The following NFATC4 variants were observed in gnomAD, a reference collection of about 807,000 sequenced individuals.
The protein encoded by NFATC4 is nuclear factor of activated T cells 4, also known as nuclear factor of activated T-cells, cytoplasmic 4.
NFATC4 carries 25 observed loss-of-function variants against 73.4 expected under a neutral mutation model. That is an observed-to-expected ratio of 0.34 (90% CI 0.25 to 0.48). The LOEUF is 0.48. NFATC4 is among the 20% of genes least tolerant of loss of function. NFATC4 has a pLI of 0.99. For synonymous variants in NFATC4, 523 were observed against 510.3 expected (o/e 1.02, Z -0.34); for missense variants, 1,130 against 1,203.7 (o/e 0.94, Z 0.91).
At chr14:24,372,645 C>G in intron 3 of NFATC4, 42 bp downstream of exon 3, 1 of 1,611,022 alleles carries the variant, frequency 6.2e-7, no homozygotes, top group South Asian at 1.1e-5. Flanking sequence ...TCTCCTCTCC[C>G]AGATAGGTTC....
At chr14:24,368,650 G>C (rs1057252323) in intron 1 of NFATC4, among the ~76,000 whole-genome samples, 4 of 149,254 alleles carry the variant, frequency 2.7e-5, no homozygotes, top group African/African-American at 9.8e-5. Flanking sequence ...GTGGGGGTGG[G>C]GGTGCTGTTG....
At position 24,370,424 on chromosome 14, in the gene NFATC4, T is replaced by C. The variant is rs145735892; in HGVS notation, c.1026T>C (p.Pro342=). The C allele has an allele frequency of 1.8e-5, 29 of 1,614,074 alleles. No individual in the cohort carries two copies. Among genetic ancestry groups the C allele is most frequent in the Non-Finnish European group, 2.3e-5 (27 of 1,180,012 alleles). ...RTSSEQAVAL[P]RSEEPASCNG... ...CCAGCGAGCAGGCAGTGGCTCTGCCTCGGTCTGAGGAGCCTGCCTCATGCA... is the reference window on the plus strand; with the variant it reads ...CCAGCGAGCAGGCAGTGGCTCTGCCCCGGTCTGAGGAGCCTGCCTCATGCA... Residue 342 remains proline, a synonymous_variant, in exon 2 of 10, where the codon CCT becomes CCC. Coordinates refer to ENST00000250373, the MANE Select transcript of NFATC4 (RefSeq NM_004554.5).
chr14:24,373,781 G>A lies in NFATC4; in HGVS notation c.1646G>A (p.Arg549His), dbSNP rs1004932777. 1.9e-6 allele frequency: 3 copies of A among 1,614,180 alleles called. No homozygotes were observed. Among genetic ancestry groups the A allele is most frequent in the Non-Finnish European group, 2.5e-6 (3 of 1,180,038 alleles). The change falls in exon 5 of 10, where the codon CGT becomes CAT. Residue 549 changes from arginine to histidine, a missense_variant. Around this residue, in one of 3 missense-constraint regions of NFATC4, gnomAD observed 155 missense variants for 221.2 expected, o/e 0.70. Coordinates refer to ENST00000250373, the MANE Select transcript of NFATC4 (RefSeq NM_004554.5). The surrounding 1 kb of genome is among the most constrained non-coding windows in gnomAD (Gnocchi z 4.7). ...ACGGACATCGGGCGCAAAAACACAC[G>A]TGTACGGCTGGTGTTCCGGGTACAC... The part of the protein sequence containing the change: ...GETDIGRKNT[R>H]VRLVFRVHVP...
In NFATC4 at chr14:24,375,680, G is replaced by C. The variant is rs943243175; in HGVS notation, c.1894G>C (p.Glu632Gln). ...RGPDGKLQWE[E>Q]EATVNRLQSN... ...GACAGATGGGAAGCTGCAATGGGAGGAGGAGGCCACAGTGAACCGACTGCA... is the reference window on the plus strand; with the variant it reads ...GACAGATGGGAAGCTGCAATGGGAGCAGGAGGCCACAGTGAACCGACTGCA... Residue 632 changes from glutamate (E) to glutamine (Q), a missense_variant, in exon 7 of 10, where the codon GAG becomes CAG. Glu to Gln is a conservative substitution (Grantham distance 29). Transcript: ENST00000250373. The C allele has an allele frequency of 3.0e-5, 47 of 1,556,428 alleles. No homozygotes were observed. Among genetic ancestry groups the C allele is most frequent in the Non-Finnish European group, 4.1e-5 (47 of 1,149,158 alleles).
Position 24,377,811 on chromosome 14 carries a change from C to A in NFATC4, c.*106C>A. Reference sequence around the variant, plus strand: ...TACAGAAGCTTGGGGCCAACCCTGGCTCCTCTTTCCCCAGCTTCTGTCTGT... The same window carrying A: ...TACAGAAGCTTGGGGCCAACCCTGGATCCTCTTTCCCCAGCTTCTGTCTGT... On this transcript the variant is annotated 3_prime_UTR_variant, in exon 10 of 10. Transcript: ENST00000250373. The surrounding 1 kb of genome is among the most constrained non-coding windows in gnomAD (Gnocchi z 4.2). 1 of 1,580,538 alleles carries A rather than the reference C, an allele frequency of 6.3e-7. No individual in the cohort carries two copies. Among genetic ancestry groups the A allele is most frequent in the Admixed American group, 1.8e-5 (1 of 57,024 alleles).
chr14:24,377,487 G>T lies in NFATC4; in HGVS notation c.2642-151G>T. 6.9e-7 allele frequency: 1 copy of T among 1,458,896 alleles called. No homozygotes were observed. Among genetic ancestry groups the T allele is most frequent in the Non-Finnish European group, 9.0e-7 (1 of 1,108,684 alleles). 90.4% of individuals were successfully genotyped at this position (1,458,896 alleles called of 1,614,324 possible). A position where few individuals can be genotyped will look rare whatever the true frequency, so the allele number is the denominator to read the frequency against. On this transcript the variant is annotated intron_variant, in intron 9 of 9. Transcript: ENST00000250373. This position sits in a 1 kb window ranked among gnomAD's most constrained non-coding sequence, Gnocchi z 4.2. ...CGGAGCAGGTGTCAAGACGTGTTGG[G>T]GAAACTGAGGCCCAGTGGAATAGAA...
Position 24,370,254 on chromosome 14 carries a change from C to T in NFATC4, c.856C>T (p.Arg286Cys). 1 of 1,612,618 alleles carries T rather than the reference C, an allele frequency of 6.2e-7. No individual in the cohort carries two copies. The change falls in exon 2 of 10, where the codon CGC becomes TGC. Residue 286 changes from arginine (R) to cysteine (C), a missense_variant. Transcript: ENST00000250373. The part of the protein sequence containing the change: ...TPSSASPALS[R>C]RGSLGEEGSE... ...ATCTTCAGCCTCCCCAGCTCTGTCCCGCCGTGGCAGCCTGGGGGAAGAGGG... is the reference window on the plus strand; with the variant it reads ...ATCTTCAGCCTCCCCAGCTCTGTCCTGCCGTGGCAGCCTGGGGGAAGAGGG...
rs550568716 is a variant in NFATC4, at chr14:24,373,567, A to G, written c.1560-128A>G. 253 of 1,439,092 alleles carry G rather than the reference A, an allele frequency of 1.8e-4. No homozygotes were observed. The African/African-American group carries it at 3.3e-3, about 19-fold the overall frequency. The allele number at this position is 1,439,092 out of a possible 1,614,324, so 89.1% of individuals were successfully genotyped here. ...AGAGAGGCCATCTCTGGGTTAGAAA[A>G]TAGCCTCCTAGGCACTCATCGAAAG... On this transcript the variant is annotated intron_variant, in intron 4 of 9. Transcript: ENST00000250373. The surrounding 1 kb of genome is among the most constrained non-coding windows in gnomAD (Gnocchi z 4.7).
Position 24,375,680 on chromosome 14 carries a change from G to A in NFATC4, c.1894G>A (p.Glu632Lys). Residue 632 changes from glutamate (E) to lysine (K), a missense_variant, in exon 7 of 10, where the codon GAG becomes AAG. By Grantham distance (56) the Glu-to-Lys change is moderately conservative. Coordinates refer to ENST00000250373, the MANE Select transcript of NFATC4 (RefSeq NM_004554.5). ...RGPDGKLQWE[E>K]EATVNRLQSN... ...GACAGATGGGAAGCTGCAATGGGAGGAGGAGGCCACAGTGAACCGACTGCA... is the reference window on the plus strand; with the variant it reads ...GACAGATGGGAAGCTGCAATGGGAGAAGGAGGCCACAGTGAACCGACTGCA... 2 of 1,556,546 alleles carry A rather than the reference G, an allele frequency of 1.3e-6. No homozygotes were observed. The highest frequency in any genetic ancestry group is 1.7e-6 in the Non-Finnish European group (2 of 1,149,152).
rs1407599578 is a variant in NFATC4 at position 24,372,559 on chromosome 14, C to T, written c.1315C>T (p.Arg439Cys). 5 of 1,613,970 alleles carry T rather than the reference C, an allele frequency of 3.1e-6. No individual in the cohort carries two copies. The highest frequency in any genetic ancestry group is 1.7e-5 in the Admixed American group (1 of 60,000). Residue 439 changes from arginine (R) to cysteine (C), a missense_variant, in exon 3 of 10, where the codon CGT becomes TGT. This residue lies in a region of NFATC4 where 155 missense variants were observed against 221.2 expected (regional missense o/e 0.70). Coordinates refer to ENST00000250373, the MANE Select transcript of NFATC4 (RefSeq NM_004554.5). Reference sequence around the variant, plus strand: ...GGCCCACTATGAGACAGAAGGCAGCCGTGGAGCTGTCAAAGCTGCCCCTGG... The same window carrying T: ...GGCCCACTATGAGACAGAAGGCAGCTGTGGAGCTGTCAAAGCTGCCCCTGG... ...HRAHYETEGS[R>C]GAVKAAPGGH...
At chr14:24,367,734 G>T, upstream of NFATC4, 1 of 1,472,636 alleles carries the variant, frequency 6.8e-7, no homozygotes, top group South Asian at 1.3e-5. Flanking sequence ...CTGGCCTCAG[G>T]CTTGGAGGGA....
Position 24,369,957 on chromosome 14 carries a change from G to A in NFATC4, c.559G>A (p.Asp187Asn), listed in dbSNP as rs2042424969. The A allele has an allele frequency of 1.2e-6, 2 of 1,612,886 alleles. No individual in the cohort carries two copies. Among genetic ancestry groups the A allele is most frequent in the African/African-American group, 1.3e-5 (1 of 74,938 alleles). The change falls in exon 2 of 10, where the codon GAC becomes AAC. Residue 187 changes from aspartate (D) to asparagine (N), a missense_variant. Around this residue, in one of 3 missense-constraint regions of NFATC4, gnomAD observed 585 missense variants for 574.3 expected, o/e 1.02. Coordinates refer to ENST00000250373, the MANE Select transcript of NFATC4 (RefSeq NM_004554.5). ...SSWSFFSDAS[D>N]EAALYAACDE... is the part of the protein sequence containing the mutation. ...GTGGAGCTTCTTCTCCGATGCCTCT[G>A]ACGAGGCAGCCCTGTATGCAGCCTG... is the stretch of plus-strand genomic sequence containing the variant.
At position 24,377,371 on chromosome 14, in the gene NFATC4, G is replaced by A. The variant is rs1411463192; in HGVS notation, c.2642-267G>A. ...ACCCATCTCTGGCCCTGCTGATACC[G>A]ATTCCCCTGACATTTCAGGCTAAGC... On this transcript the variant is annotated intron_variant, in intron 9 of 9. Coordinates refer to ENST00000250373, the MANE Select transcript of NFATC4 (RefSeq NM_004554.5). This position sits in a 1 kb window ranked among gnomAD's most constrained non-coding sequence, Gnocchi z 4.2. 8 of 1,350,330 alleles carry A rather than the reference G, an allele frequency of 5.9e-6. No individual in the cohort carries two copies. The highest frequency in any genetic ancestry group is 7.6e-6 in the Non-Finnish European group (8 of 1,051,514). The allele number at this position is 1,350,330 out of a possible 1,614,324, so 83.6% of individuals were successfully genotyped here. A position where few individuals can be genotyped will look rare whatever the true frequency, so the allele number is the denominator to read the frequency against.
chr14:24,373,136 A>G lies in NFATC4; in HGVS notation c.1360-35A>G. On this transcript the variant is annotated intron_variant, in intron 3 of 9. Coordinates refer to ENST00000250373, the MANE Select transcript of NFATC4 (RefSeq NM_004554.5). This position sits in a 1 kb window ranked among gnomAD's most constrained non-coding sequence, Gnocchi z 4.7. Reference sequence around the variant, plus strand: ...ATGAATAAAGGATGAGACGGTGGGGATTTCAATGAGGTGGCCGCTCTCTCC... The same window carrying G: ...ATGAATAAAGGATGAGACGGTGGGGGTTTCAATGAGGTGGCCGCTCTCTCC... 6.2e-7 allele frequency: 1 copy of G among 1,601,192 alleles called. No homozygotes were observed. The highest frequency in any genetic ancestry group is 1.1e-5 in the South Asian group (1 of 90,644).
At chr14:24,367,877 C>G (rs1400302381), upstream of NFATC4, 2 of 1,347,856 alleles carry the variant, frequency 1.5e-6, no homozygotes, top group Non-Finnish European at 1.9e-6. Context: ...GGACCCAGAA[C>G]CTTGAACTGA....
Position 24,369,486 on chromosome 14 carries a change from C to T in NFATC4, c.101-13C>T. On this transcript the variant is annotated splice_polypyrimidine_tract_variant and intron_variant, in intron 1 of 9. Coordinates refer to ENST00000250373, the MANE Select transcript of NFATC4 (RefSeq NM_004554.5). Reference sequence around the variant, plus strand: ...TTCCCCCTCTCCCTCTGCTCCTCTTCCCATTTTGACAGAACTGGACTCAGA... The same window carrying T: ...TTCCCCCTCTCCCTCTGCTCCTCTTTCCATTTTGACAGAACTGGACTCAGA... The T allele has an allele frequency of 2.5e-6, 4 of 1,612,642 alleles. No homozygotes were observed. The highest frequency in any genetic ancestry group is 3.4e-6 in the Non-Finnish European group (4 of 1,179,322).
intron 2 of NFATC4, chr14:24,372,106 C>T (rs2042488429): frequency 4.0e-6 from 1 of 247,800 alleles, no homozygotes; most frequent in East Asian, 1.0e-4. Context: ...GCTTGAGAAT[C>T]CTCTGTATCC....
chr14:24,372,515 A>C lies in NFATC4; in HGVS notation c.1271A>C (p.Gln424Pro). 1 of 1,614,074 alleles carries C rather than the reference A, an allele frequency of 6.2e-7. No individual in the cohort carries two copies. Among genetic ancestry groups the C allele is most frequent in the Non-Finnish European group, 8.5e-7 (1 of 1,180,032 alleles). The change falls in exon 3 of 10, where the codon CAG becomes CCG. Residue 424 changes from glutamine to proline, a missense_variant. Transcript: ENST00000250373. ...YEQLELRIEV[Q>P]PRAHHRAHYE... ...CAGCTGGAGCTGAGGATCGAGGTAC[A>C]GCCTAGAGCCCACCACCGGGCCCAC...
chr14:24,373,152 C>G lies in NFATC4; in HGVS notation c.1360-19C>G. ...ACGGTGGGGATTTCAATGAGGTGGCCGCTCTCTCCCTCTGCCAGCTCCTAG... is the reference window on the plus strand; with the variant it reads ...ACGGTGGGGATTTCAATGAGGTGGCGGCTCTCTCCCTCTGCCAGCTCCTAG... On this transcript the variant is annotated intron_variant, in intron 3 of 9. Transcript: ENST00000250373. The surrounding 1 kb of genome is among the most constrained non-coding windows in gnomAD (Gnocchi z 4.7). 3 of 1,611,310 alleles carry G rather than the reference C, an allele frequency of 1.9e-6. No individual in the cohort carries two copies. In the South Asian group the frequency reaches 3.3e-5, roughly 18 times the overall value.
Sources: allele counts gnomAD v4.1 joint callset (sites outside exome capture counted in the v4.1 genomes callset), GRCh38; gene constraint gnomAD v4.1.1; regional missense constraint gnomAD v4.1.1; non-coding constraint Gnocchi (gnomAD v3.1); transcripts MANE v1.5; gene names NCBI Gene and HGNC (gene_info 2026-07-23, HGNC 2026-07-21).